EML4: variants seen among roughly 807,000 people sequenced by gnomAD.
EML4 encodes the protein echinoderm microtubule-associated protein-like 4.
EML4 carries 72 observed loss-of-function variants against 129.0 expected under a neutral mutation model. The observed-to-expected ratio is 0.56, with a 90% confidence interval of 0.46 to 0.68. The LOEUF (loss-of-function observed/expected upper bound fraction) is 0.68, where lower values mean the gene tolerates loss of function less well. EML4 is among the 30% of genes least tolerant of loss of function. The pLI, the probability that EML4 is intolerant of heterozygous loss-of-function variation, is 0.00. For missense variants in EML4, 1,363 were observed against 1,190.6 expected, an observed-to-expected ratio of 1.14 and a Z score of -2.13; for synonymous variants, 532 against 405.0, an observed-to-expected ratio of 1.31 and a Z score of -3.77.
intron 1 of EML4, among the ~76,000 whole-genome samples, chr2:42,240,427 T>C (rs975313503): frequency 6.6e-6 from 1 of 152,168 alleles, no homozygotes; most frequent in African/African-American, 2.4e-5. Flanking sequence ...TATATATACA[T>C]ATGTGTGTGT....
At chr2:42,232,482 A>G (rs1420884317) in intron 1 of EML4, among the ~76,000 whole-genome samples, 1 of 152,182 alleles carries the variant, frequency 6.6e-6, no homozygotes, top group Non-Finnish European at 1.5e-5. Context: ...ACGACATACA[A>G]TCTGCTTTCA....
intron 3 of EML4, among the ~76,000 whole-genome samples, chr2:42,258,591 G>A (rs1665507337): frequency 1.3e-5 from 2 of 152,048 alleles, no homozygotes; most frequent in East Asian, 3.9e-4. Context: ...GTAGAAACAG[G>A]GTTTCTCCAT....
chr2:42,179,846 C>G (rs901565662), intron 1 of EML4, among the ~76,000 whole-genome samples: 1 of 152,180 alleles, frequency 6.6e-6, no homozygotes, highest in African/African-American at 2.4e-5. Flanking sequence ...AAGTGATCCA[C>G]CCACCTAGCC....
intron 2 of EML4, among the ~76,000 whole-genome samples, chr2:42,254,688 T>C (rs1409400467): frequency 5.3e-5 from 8 of 152,016 alleles, no homozygotes; most frequent in Admixed American, 5.2e-4. Context: ...TCCTCATACA[T>C]TGCTAGTGAA....
chr2:42,283,715 AC>A (rs1372883091), intron 8 of EML4, among the ~76,000 whole-genome samples: 1 of 152,182 alleles, frequency 6.6e-6, no homozygotes, highest in Non-Finnish European at 1.5e-5. Context: ...ATTGCCTTTT[AC>A]ACTTGCAGAA....
intron 19 of EML4, among the ~76,000 whole-genome samples, chr2:42,321,199 C>T (rs1391366498): frequency 2.6e-5 from 4 of 151,852 alleles, no homozygotes; most frequent in South Asian, 2.1e-4. Flanking sequence ...CTGGCTAACA[C>T]GGTGAAACCC....
chr2:42,265,571 T>C (rs1208384174), intron 6 of EML4, among the ~76,000 whole-genome samples: 1 of 152,152 alleles, frequency 6.6e-6, no homozygotes, highest in Non-Finnish European at 1.5e-5. Flanking sequence ...ATCTTATTTC[T>C]AAGAAATCTG....
chr2:42,169,451 A>T lies in EML4; in HGVS notation c.-161A>T. On this transcript the variant is annotated 5_prime_UTR_variant, in exon 1 of 23. Coordinates refer to ENST00000318522, the MANE Select transcript of EML4 (RefSeq NM_019063.5). ...GAAGTGGTTCGGGCGGCCGCGGCTT[A>T]CTACCCCAGGGCGAACGGACGGACG... is the stretch of plus-strand genomic sequence containing the variant. 1 of 712,888 alleles carries T rather than the reference A, an allele frequency of 1.4e-6. No homozygotes were observed. Among genetic ancestry groups the T allele is most frequent in the Non-Finnish European group, 2.1e-6 (1 of 465,254 alleles). The allele number at this position is 712,888 out of a possible 1,614,324, so 44.2% of individuals were successfully genotyped here. A position where few individuals can be genotyped will look rare whatever the true frequency, so the allele number is the denominator to read the frequency against.
In EML4 at chr2:42,256,594, T is replaced by C. The variant is rs774899854; in HGVS notation, c.302T>C (p.Ile101Thr). 2.5e-6 allele frequency: 4 copies of C among 1,613,902 alleles called. No individual in the cohort carries two copies. Among genetic ancestry groups the C allele is most frequent in the Admixed American group, 3.3e-5 (2 of 60,014 alleles). Residue 101 changes from isoleucine (I) to threonine (T), a missense_variant, in exon 3 of 23, where the codon ATT (isoleucine) becomes ACT (threonine). Transcript: ENST00000318522. ...RKPSHTSAVS[I>T]AGKETLSSAA... Reference sequence around the variant, plus strand: ...CCAAGTCATACCAGTGCTGTCTCAATTGCAGGAAAAGAAACTCTTTCATCT... The same window carrying C: ...CCAAGTCATACCAGTGCTGTCTCAACTGCAGGAAAAGAAACTCTTTCATCT...
At chr2:42,208,833 A>G (rs1353290393) in intron 1 of EML4, among the ~76,000 whole-genome samples, 2 of 151,768 alleles carry the variant, frequency 1.3e-5, no homozygotes, top group Non-Finnish European at 1.5e-5. Flanking sequence ...ACATAGAACA[A>G]ATTTAAAGCT....
At chr2:42,265,996 T>G (rs1225734834) in intron 6 of EML4, among the ~76,000 whole-genome samples, 2 of 152,248 alleles carry the variant, frequency 1.3e-5, no homozygotes, top group East Asian at 3.8e-4. Flanking sequence ...AGCACGTCCT[T>G]TCTGTGCATG....
At chr2:42,212,471 A>G (rs1272591586) in intron 1 of EML4, among the ~76,000 whole-genome samples, 1 of 151,998 alleles carries the variant, frequency 6.6e-6, no homozygotes, top group Admixed American at 6.5e-5. Context: ...CAAACTCGGC[A>G]GTAGATTTTT....
chr2:42,233,472 A>AT (rs981300334), intron 1 of EML4, among the ~76,000 whole-genome samples: 26 of 148,004 alleles, frequency 1.8e-4, no homozygotes, highest in South Asian at 6.5e-4. Context: ...TGCCCAGCCA[A>AT]TTTTTTTTTT....
At chr2:42,327,560 A>G (rs1305541117) in intron 21 of EML4, among the ~76,000 whole-genome samples, 1 of 152,178 alleles carries the variant, frequency 6.6e-6, no homozygotes, top group Admixed American at 6.5e-5. Flanking sequence ...TTGAAATACA[A>G]AGGCATTTTT....
intron 10 of EML4, among the ~76,000 whole-genome samples, chr2:42,286,653 G>A (rs1667324198): frequency 6.6e-6 from 1 of 152,190 alleles, no homozygotes; most frequent in Admixed American, 6.5e-5. Context: ...AGCAGGAAGT[G>A]GTTAGAGGAA....
Position 42,286,288 on chromosome 2 carries a change from G to A in EML4, c.1031G>A (p.Arg344Lys). Residue 344 changes from arginine to lysine, a missense_variant, in exon 10 of 23, where the codon AGA (arginine) becomes AAA (lysine). Coordinates refer to ENST00000318522, the MANE Select transcript of EML4 (RefSeq NM_019063.5). The part of the protein sequence containing the change: ...KDGRPLQPHV[R>K]VWDSVTLSTL... ...TTGCAGCCTCTACAACCCCACGTCA[G>A]AGTGTGGGATTCTGTTACTCTATCC... The A allele has an allele frequency of 6.2e-7, 1 of 1,612,384 alleles. No homozygotes were observed. Among genetic ancestry groups the A allele is most frequent in the Non-Finnish European group, 8.5e-7 (1 of 1,178,396 alleles).
chr2:42,285,320 A>T lies in EML4; in HGVS notation c.1011+617A>T, dbSNP rs181105745. Among the ~76,000 whole-genome samples, 306 of 152,306 alleles carry T rather than the reference A, an allele frequency of 2.0e-3. 1 individual carries two copies. The highest frequency in any genetic ancestry group is 3.3e-3 in the Non-Finnish European group (227 of 68,028). ...AACAAATACCTTATTTCTAAGGATC[A>T]ACAGTGACTATTAATGGTGACTGAG... On this transcript the variant is annotated intron_variant, in intron 9 of 22. Coordinates refer to ENST00000318522, the MANE Select transcript of EML4 (RefSeq NM_019063.5).
At chr2:42,275,062 G>A (rs1347176317) in intron 6 of EML4, among the ~76,000 whole-genome samples, 2 of 152,164 alleles carry the variant, frequency 1.3e-5, no homozygotes, top group African/African-American at 4.8e-5. Flanking sequence ...GCCCTTAGCA[G>A]TATCTGAACA....
chr2:42,243,020 C>T (rs566670764), intron 1 of EML4, among the ~76,000 whole-genome samples: 12 of 152,200 alleles, frequency 7.9e-5, no homozygotes, highest in Admixed American at 1.3e-4. Flanking sequence ...TCAAGCGATC[C>T]GCCCACCTTG....
Sources: allele counts gnomAD v4.1 joint callset (sites outside exome capture counted in the v4.1 genomes callset), GRCh38; gene constraint gnomAD v4.1.1; transcripts MANE v1.5; gene names NCBI Gene and HGNC (gene_info 2026-07-23, HGNC 2026-07-21).